Variants in MED13 observed in about 807,000 individuals in gnomAD.
MED13 encodes mediator complex subunit 13.
Under a neutral mutation model 225.2 loss-of-function variants are expected in MED13, and 23 were observed. That is an observed-to-expected ratio of 0.10 (90% confidence interval 0.07 to 0.14). The LOEUF (loss-of-function observed/expected upper bound fraction) is 0.14, where lower values mean the gene tolerates loss of function less well. Among genes scored for constraint, MED13 ranks in the 10% least tolerant of loss-of-function variants. The probability of loss-of-function intolerance (pLI) is 1.00; values close to 1 mark genes in which losing one functional copy is unlikely to be tolerated. For synonymous variants in MED13, 942 were observed against 889.2 expected, an observed-to-expected ratio of 1.06 and a Z score of -1.06; for missense variants, 2,197 against 2,594.5, an observed-to-expected ratio of 0.85 and a Z score of 3.33.
intron 8 of MED13, among the ~76,000 whole-genome samples, chr17:62,015,938 A>ATATATATATATATATT (rs2080568713): frequency 1.1e-4 from 1 of 9,012 alleles, no homozygotes; most frequent in East Asian, 6.8e-3. Flanking sequence ...ATATATATAT[A>ATATATATATATATATT]TATATATATA....
intron 2 of MED13, among the ~76,000 whole-genome samples, chr17:62,053,436 T>G (rs1417296394): frequency 6.6e-6 from 1 of 152,164 alleles, no homozygotes; most frequent in Non-Finnish European, 1.5e-5. Flanking sequence ...TATTAATCAC[T>G]CCAAGTTAAT....
chr17:62,044,171 G>A (rs945503878), intron 3 of MED13, among the ~76,000 whole-genome samples: 1 of 151,510 alleles, frequency 6.6e-6, no homozygotes, highest in Non-Finnish European at 1.5e-5. Flanking sequence ...CCATACATAT[G>A]GCAGAAAATA....
At chr17:61,992,473 A>G in intron 11 of MED13, 67 bp downstream of exon 11, 1 of 941,140 alleles carries the variant, frequency 1.1e-6, no homozygotes, top group Non-Finnish European at 1.7e-6. Context: ...GAAGTCCAAC[A>G]ATATCAGATC....
chr17:61,949,557 TGA>T (rs1040016823), intron 28 of MED13, among the ~76,000 whole-genome samples: 1 of 152,088 alleles, frequency 6.6e-6, no homozygotes, highest in African/African-American at 2.4e-5. Context: ...ACGATGAATC[TGA>T]GAGTCTCATT....
chr17:62,055,044 T>TAA (rs944380663), intron 2 of MED13, among the ~76,000 whole-genome samples: 1 of 151,994 alleles, frequency 6.6e-6, no homozygotes, highest in East Asian at 1.9e-4. Context: ...AAATAGTAAA[T>TAA]AAAAAAATCT....
intron 6 of MED13, 165 bp from the exon 7 acceptor site, chr17:62,030,178 T>C (rs549376160): frequency 1.6e-6 from 1 of 630,368 alleles, no homozygotes; most frequent in South Asian, 3.3e-5. Context: ...CAGATCTCAT[T>C]AGGCAAATGT....
chr17:62,054,272 G>A (rs1174142818), intron 2 of MED13, among the ~76,000 whole-genome samples: 1 of 151,770 alleles, frequency 6.6e-6, no homozygotes, highest in Non-Finnish European at 1.5e-5. Flanking sequence ...CTGCACTCCA[G>A]CCTGGGACAG....
chr17:62,056,550 G>A (rs1023116528), intron 2 of MED13, among the ~76,000 whole-genome samples: 7 of 152,152 alleles, frequency 4.6e-5, no homozygotes, highest in African/African-American at 1.7e-4. Flanking sequence ...ATCACTTGAA[G>A]CTAGGAGTTC....
At chr17:62,002,123 G>A (rs1171110896) in intron 9 of MED13, among the ~76,000 whole-genome samples, 2 of 152,166 alleles carry the variant, frequency 1.3e-5, no homozygotes, top group Admixed American at 6.5e-5. Flanking sequence ...TATGACTAAA[G>A]AGGTGTTTGA....
intron 9 of MED13, among the ~76,000 whole-genome samples, chr17:61,995,798 T>C (rs1290659135): frequency 6.6e-6 from 1 of 152,142 alleles, no homozygotes; most frequent in Non-Finnish European, 1.5e-5. Flanking sequence ...GGAAAGTGAT[T>C]ATGTATTTTT....
In MED13 at chr17:61,960,984, T is replaced by C. The variant is rs1040196852; in HGVS notation, c.5363A>G (p.Asn1788Ser). 1 of 1,613,980 alleles carries C rather than the reference T, an allele frequency of 6.2e-7. No individual in the cohort carries two copies. Among genetic ancestry groups the C allele is most frequent in the Non-Finnish European group, 8.5e-7 (1 of 1,179,938 alleles). The change falls in exon 23 of 30, where the codon AAT (asparagine) becomes AGT (serine). Residue 1788 changes from asparagine to serine, a missense_variant. Transcript: ENST00000397786. ...ETFGEAGQKYNVLFVGYCLSH... is the reference protein window; with the variant it reads ...ETFGEAGQKYSVLFVGYCLSH... The stretch of plus-strand genomic sequence containing the variant: ...TAAACAGTATCCCACAAAAAGAACA[T>C]TATATTTCTGTCCAGCTTCTCCAAA...
At chr17:61,954,339 G>T (rs369108849) in intron 26 of MED13, among the ~76,000 whole-genome samples, 2 of 152,002 alleles carry the variant, frequency 1.3e-5, no homozygotes, top group East Asian at 3.8e-4. Context: ...GAAAAGCTAC[G>T]TCCCTACTTT....
intron 26 of MED13, 35 bp downstream of exon 26, chr17:61,955,347 T>G: frequency 1.4e-6 from 2 of 1,444,688 alleles, no homozygotes; most frequent in Non-Finnish European, 1.8e-6. Flanking sequence ...TTGGGGGGTA[T>G]TCTTCAGACT....
intron 4 of MED13, 33 bp from the exon 5 acceptor site, chr17:62,034,017 CA>C: frequency 6.4e-7 from 1 of 1,572,700 alleles, no homozygotes; most frequent in South Asian, 1.1e-5. Context: ...AAATAAGTAA[CA>C]AAAGACTGTT....
chr17:62,025,055 T>C (rs559153492), intron 8 of MED13, among the ~76,000 whole-genome samples: 42 of 152,330 alleles, frequency 2.8e-4, no homozygotes, highest in African/African-American at 9.6e-4. Flanking sequence ...TATCCAGTAA[T>C]AGGATTGCTC....
chr17:62,037,289 A>C (rs980443393), intron 3 of MED13, among the ~76,000 whole-genome samples: 1 of 151,994 alleles, frequency 6.6e-6, no homozygotes, highest in Non-Finnish European at 1.5e-5. Context: ...ATAAAATAAA[A>C]ATTAATGTAA....
intron 2 of MED13, among the ~76,000 whole-genome samples, chr17:62,055,435 C>A (rs1439600989): frequency 6.6e-6 from 1 of 151,528 alleles, no homozygotes; most frequent in Non-Finnish European, 1.5e-5. Flanking sequence ...AGCTAAAGCA[C>A]AATTTATAAA....
At chr17:62,004,975 C>G (rs1226990140) in intron 9 of MED13, 1 of 149,928 alleles carries the variant, frequency 6.7e-6, no homozygotes, top group Non-Finnish European at 1.5e-5. Context: ...TCTCTGCTCA[C>G]TGTTAACTTC....
At chr17:62,029,689 A>T (rs1338983359) in intron 7 of MED13, 38 bp from the exon 8 acceptor site, 1 of 1,578,494 alleles carries the variant, frequency 6.3e-7, no homozygotes, top group African/African-American at 1.4e-5. Flanking sequence ...AAAATTCATA[A>T]AATTTTCTAT....
Sources: allele counts gnomAD v4.1 joint callset (sites outside exome capture counted in the v4.1 genomes callset), GRCh38; gene constraint gnomAD v4.1.1; transcripts MANE v1.5; gene names NCBI Gene and HGNC (gene_info 2026-07-23, HGNC 2026-07-21).